The following GTF2F2 variants were observed in gnomAD, a reference collection of about 807,000 sequenced individuals.
GTF2F2 encodes the protein ATP-dependent helicase GTF2F2.
Under a neutral mutation model 42.2 loss-of-function variants are expected in GTF2F2, and 23 were observed. The observed-to-expected ratio is 0.55, with a 90% CI of 0.39 to 0.77. The LOEUF is 0.77. Among genes scored for constraint, GTF2F2 ranks in the 30% least tolerant of loss-of-function variants. The pLI is 0.00. For missense variants in GTF2F2, 261 were observed against 287.2 expected (o/e 0.91, Z 0.66); for synonymous variants, 105 against 100.8 (o/e 1.04, Z -0.25).
chr13:45,194,072 A>G, intron 4 of GTF2F2: 3 of 1,614,120 alleles, frequency 1.9e-6, no homozygotes, highest in Non-Finnish European at 2.5e-6. Context: ...TTTATTTTTG[A>G]TATGAAATCA....
At chr13:45,149,433 CAAA>C (rs34165758) in intron 2 of GTF2F2, among the ~76,000 whole-genome samples, 72 of 91,110 alleles carry the variant, frequency 7.9e-4, no homozygotes, top group East Asian at 1.4e-3. Flanking sequence ...ACCCTGTCTC[CAAA>C]AAAAAAAAAA....
At chr13:45,254,553 A>G (rs1465313064) in intron 6 of GTF2F2, among the ~76,000 whole-genome samples, 3 of 152,170 alleles carry the variant, frequency 2.0e-5, no homozygotes, top group Admixed American at 1.3e-4. Flanking sequence ...AGAAACTACA[A>G]CAGATAAGGT....
At chr13:45,155,460 T>G (rs1322036393) in intron 4 of GTF2F2, among the ~76,000 whole-genome samples, 1 of 152,240 alleles carries the variant, frequency 6.6e-6, no homozygotes, top group Non-Finnish European at 1.5e-5. Flanking sequence ...TTAATAACTT[T>G]ACTCCTGTTA....
chr13:45,245,294 A>T (rs1031716330), intron 5 of GTF2F2, among the ~76,000 whole-genome samples: 46 of 148,506 alleles, frequency 3.1e-4, no homozygotes, highest in Admixed American at 9.4e-4. Flanking sequence ...ATTCTTTAAA[A>T]TTTTTTTTTT....
chr13:45,120,688 C>G lies in GTF2F2; in HGVS notation c.33C>G (p.Gly11=). 6.4e-6 allele frequency: 10 copies of G among 1,561,754 alleles called. No homozygotes were observed. Among genetic ancestry groups the G allele is most frequent in the Non-Finnish European group, 8.7e-6 (10 of 1,151,942 alleles). Reference sequence around the variant, plus strand: ...AGCGCGGGGAACTCGACTTGACCGGCGCCAAACAGAACACAGGAGTGTGGC... The same window carrying G: ...AGCGCGGGGAACTCGACTTGACCGGGGCCAAACAGAACACAGGAGTGTGGC... MAERGELDLT[G]AKQNTGVWLV... is the part of the protein sequence containing the mutation. Residue 11 remains glycine, a synonymous_variant, in exon 1 of 8, where the codon GGC becomes GGG. Transcript: ENST00000340473.
intron 4 of GTF2F2, among the ~76,000 whole-genome samples, chr13:45,189,027 A>G (rs1448728473): frequency 6.6e-6 from 1 of 151,732 alleles, no homozygotes; most frequent in Non-Finnish European, 1.5e-5. Flanking sequence ...TACATTAGGT[A>G]CTTCTCCTAA....
chr13:45,278,822 T>TTC (rs1877139344), intron 7 of GTF2F2, among the ~76,000 whole-genome samples: 1 of 126,332 alleles, frequency 7.9e-6, no homozygotes, highest in African/African-American at 3.4e-5. Flanking sequence ...TTTTCTTTTT[T>TTC]TTTTTTTTTT....
intron 4 of GTF2F2, chr13:45,194,838 T>C (rs772735009): frequency 4.5e-6 from 2 of 447,122 alleles, no homozygotes; most frequent in Non-Finnish European, 7.9e-6. Context: ...GTCTATCCTT[T>C]GAAGTAATAA....
intron 4 of GTF2F2, among the ~76,000 whole-genome samples, chr13:45,199,410 TC>T (rs1873065044): frequency 6.6e-6 from 1 of 152,252 alleles, no homozygotes; most frequent in Admixed American, 6.5e-5. Context: ...AATTTATAAG[TC>T]ATATTAATTC....
chr13:45,181,150 G>A (rs1872137270), intron 4 of GTF2F2, among the ~76,000 whole-genome samples: 1 of 146,332 alleles, frequency 6.8e-6, no homozygotes, highest in African/African-American at 2.6e-5. Context: ...CTGGGCAACA[G>A]AGTGAGACCC....
At chr13:45,172,790 C>G (rs1871664617) in intron 4 of GTF2F2, among the ~76,000 whole-genome samples, 2 of 152,110 alleles carry the variant, frequency 1.3e-5, no homozygotes, top group South Asian at 4.1e-4. Flanking sequence ...AGTTCTATTC[C>G]ATTGCTCAAT....
intron 4 of GTF2F2, 128 bp from the exon 5 acceptor site, chr13:45,207,295 CT>C: frequency 1.6e-6 from 1 of 617,304 alleles, no homozygotes; most frequent in South Asian, 2.1e-5. Context: ...ATTCCTGAAA[CT>C]TAACTATTTT....
chr13:45,136,871 A>C (rs1869654620), intron 2 of GTF2F2, 65 bp downstream of exon 2: 2 of 854,444 alleles, frequency 2.3e-6, no homozygotes, highest in Non-Finnish European at 4.0e-6. Flanking sequence ...AAGTGCTTTT[A>C]AAAGTGATTA....
At chr13:45,161,111 AT>A (rs1406027686) in intron 4 of GTF2F2, among the ~76,000 whole-genome samples, 1 of 152,164 alleles carries the variant, frequency 6.6e-6, no homozygotes, top group African/African-American at 2.4e-5. Context: ...TTTTTAAAAA[AT>A]TGCAAGTGCT....
At chr13:45,131,256 T>C (rs1168363007) in intron 1 of GTF2F2, among the ~76,000 whole-genome samples, 1 of 150,104 alleles carries the variant, frequency 6.7e-6, no homozygotes, top group African/African-American at 2.4e-5. Context: ...ATCCAAGGAC[T>C]GAATCCAGTG....
intron 6 of GTF2F2, chr13:45,263,891 G>T: frequency 5.1e-6 from 1 of 195,868 alleles, no homozygotes; most frequent in Non-Finnish European, 1.1e-5. Flanking sequence ...AGATGAGGAA[G>T]GCTGGTATCT....
chr13:45,141,164 GA>G (rs1047976510), intron 2 of GTF2F2, among the ~76,000 whole-genome samples: 5 of 152,144 alleles, frequency 3.3e-5, no homozygotes, highest in Admixed American at 3.3e-4. Context: ...TTTTTGGGAG[GA>G]GGGGGAAAAT....
intron 5 of GTF2F2, among the ~76,000 whole-genome samples, chr13:45,240,471 G>A (rs1875232905): frequency 6.6e-6 from 1 of 152,062 alleles, no homozygotes. Context: ...GTTTGGTATG[G>A]GAGAATTGCT....
chr13:45,184,883 G>A (rs1245967581), intron 4 of GTF2F2, among the ~76,000 whole-genome samples: 1 of 152,110 alleles, frequency 6.6e-6, no homozygotes, highest in Non-Finnish European at 1.5e-5. Context: ...GCATAGTCAT[G>A]GCTTACTGCA....
Sources: allele counts gnomAD v4.1 joint callset (sites outside exome capture counted in the v4.1 genomes callset), GRCh38; gene constraint gnomAD v4.1.1; transcripts MANE v1.5; gene names NCBI Gene and HGNC (gene_info 2026-07-23, HGNC 2026-07-21).